The following TDRD3 variants were observed in gnomAD, a reference collection of about 807,000 sequenced individuals.
The protein encoded by TDRD3 is tudor domain containing 3.
A neutral mutation model predicts 86.7 loss-of-function variants in TDRD3; 45 were observed. The observed-to-expected ratio is 0.52, with a 90% CI of 0.41 to 0.67. The LOEUF (loss-of-function observed/expected upper bound fraction) is 0.67, where lower values mean the gene tolerates loss of function less well. TDRD3 is among the 30% of genes least tolerant of loss of function. TDRD3 has a pLI of 0.00. For missense variants in TDRD3, 814 were observed against 889.0 expected, an observed-to-expected ratio of 0.92 and a Z score of 1.07; for synonymous variants, 298 against 301.7, an observed-to-expected ratio of 0.99 and a Z score of 0.13.
chr13:60,480,866 C>CATA (rs1956295330), intron 5 of TDRD3, among the ~76,000 whole-genome samples: 1 of 151,874 alleles, frequency 6.6e-6, no homozygotes, highest in Admixed American at 6.6e-5. Context: ...TTGGTAACAG[C>CATA]TGGGGCACTG....
intron 5 of TDRD3, among the ~76,000 whole-genome samples, chr13:60,471,058 G>C (rs1956067319): frequency 6.6e-6 from 1 of 152,102 alleles, no homozygotes; most frequent in Admixed American, 6.6e-5. Context: ...ATAGATTCTA[G>C]ATATCAATTC....
chr13:60,539,039 T>C (rs998031743), intron 12 of TDRD3, among the ~76,000 whole-genome samples: 30 of 152,294 alleles, frequency 2.0e-4, no homozygotes, highest in Non-Finnish European at 1.0e-4. Flanking sequence ...AGAAAAATGA[T>C]TATTGTGTAG....
At chr13:60,556,238 C>T (rs1427063541) in intron 12 of TDRD3, among the ~76,000 whole-genome samples, 2 of 152,148 alleles carry the variant, frequency 1.3e-5, no homozygotes, top group Non-Finnish European at 2.9e-5. Context: ...TCAATAGGAT[C>T]TTGGTTCAAG....
chr13:60,557,128 C>G, intron 12 of TDRD3, among the ~76,000 whole-genome samples: 1 of 151,922 alleles, frequency 6.6e-6, no homozygotes, highest in East Asian at 1.9e-4. Flanking sequence ...ATCGCTTGAA[C>G]CCAGGAGGCG....
At chr13:60,514,114 G>C (rs1957118408) in intron 10 of TDRD3, among the ~76,000 whole-genome samples, 1 of 152,188 alleles carries the variant, frequency 6.6e-6, no homozygotes, top group Non-Finnish European at 1.5e-5. Flanking sequence ...AATCCAGGCT[G>C]AGGTGGTCTC....
At chr13:60,510,605 A>G (rs371491228) in intron 9 of TDRD3, 25 bp from the exon 10 acceptor site, 16 of 1,577,374 alleles carry the variant, frequency 1.0e-5, no homozygotes, top group Non-Finnish European at 1.3e-5. Context: ...TATACAGTAC[A>G]TATTTCTTGC....
At chr13:60,435,901 T>G (rs1424894170) in intron 1 of TDRD3, among the ~76,000 whole-genome samples, 2 of 151,786 alleles carry the variant, frequency 1.3e-5, no homozygotes, top group East Asian at 3.9e-4. Flanking sequence ...GTAAACCACA[T>G]CATGACAACA....
At chr13:60,481,470 TG>T (rs1294963655) in intron 5 of TDRD3, among the ~76,000 whole-genome samples, 3 of 151,984 alleles carry the variant, frequency 2.0e-5, no homozygotes, top group Non-Finnish European at 4.4e-5. Context: ...GGCCTCTTTT[TG>T]GTAGATTCTA....
At position 60,397,293 on chromosome 13, in the gene TDRD3, G is replaced by A. The variant is rs1250169177; in HGVS notation, c.-72G>A. 6.2e-6 allele frequency: 5 copies of A among 804,484 alleles called. No individual in the cohort carries two copies. Among genetic ancestry groups the A allele is most frequent in the Non-Finnish European group, 9.1e-6 (5 of 551,868 alleles). The allele number at this position is 804,484 out of a possible 1,614,324, so 49.8% of individuals were successfully genotyped here. A position where few individuals can be genotyped will look rare whatever the true frequency, so the allele number is the denominator to read the frequency against. On this transcript the variant is annotated 5_prime_UTR_variant, in exon 1 of 14. Coordinates refer to ENST00000377881, the MANE Select transcript of TDRD3 (RefSeq NM_001146070.2). ...TTTTCTTTTTTTTTTTTTAAGGGGG[G>A]GGGTCTCAAGTAGGAGGCCTCCCCA...
At chr13:60,463,443 T>C (rs1048937377) in intron 4 of TDRD3, among the ~76,000 whole-genome samples, 1 of 150,770 alleles carries the variant, frequency 6.6e-6, no homozygotes, top group Non-Finnish European at 1.5e-5. Context: ...TTCAAGACAT[T>C]GGTCTGGGCA....
intron 1 of TDRD3, among the ~76,000 whole-genome samples, chr13:60,433,248 T>C (rs908632459): frequency 1.3e-5 from 2 of 152,244 alleles, no homozygotes; most frequent in African/African-American, 4.8e-5. Flanking sequence ...AATAAAACTT[T>C]AATGTTTGCT....
intron 1 of TDRD3, among the ~76,000 whole-genome samples, chr13:60,431,643 A>AT (rs891093772): frequency 7.1e-6 from 1 of 140,804 alleles, no homozygotes; most frequent in African/African-American, 2.6e-5. Flanking sequence ...GTAATTAAAA[A>AT]TTTTTTTTTG....
chr13:60,497,519 C>T (rs1437123448), intron 8 of TDRD3, among the ~76,000 whole-genome samples: 4 of 152,126 alleles, frequency 2.6e-5, no homozygotes, highest in East Asian at 3.8e-4. Flanking sequence ...AATTCTTAGT[C>T]GGCCTAGGAA....
intron 13 of TDRD3, among the ~76,000 whole-genome samples, chr13:60,572,328 TAA>T (rs1958605436): frequency 6.6e-6 from 1 of 152,214 alleles, no homozygotes; most frequent in Non-Finnish European, 1.5e-5. Flanking sequence ...TTCAAATACA[TAA>T]GAGTTTGAAT....
At chr13:60,410,822 AT>A (rs1369336485) in intron 1 of TDRD3, among the ~76,000 whole-genome samples, 5 of 152,028 alleles carry the variant, frequency 3.3e-5, no homozygotes, top group Admixed American at 3.3e-4. Context: ...TTGCTGATAA[AT>A]TTTTTGACTG....
Position 60,573,578 on chromosome 13 carries a change from G to A in TDRD3, c.*10-38G>A, listed in dbSNP as rs963781082. 6 of 983,360 alleles carry A rather than the reference G, an allele frequency of 6.1e-6. No individual in the cohort carries two copies. In the South Asian group the frequency reaches 2.8e-4, roughly 46 times the overall value. 60.9% of individuals were successfully genotyped at this position (983,360 alleles called of 1,614,324 possible). A position where few individuals can be genotyped will look rare whatever the true frequency, so the allele number is the denominator to read the frequency against. ...ACAAAGTATGGAAAAGTTAATTTGA[G>A]GCTTCAATTTCATTTTCTTCATTTC... On this transcript the variant is annotated intron_variant, in intron 13 of 13. Coordinates refer to ENST00000377881, the MANE Select transcript of TDRD3 (RefSeq NM_001146070.2).
At chr13:60,498,911 T>G (rs1213111688) in intron 8 of TDRD3, among the ~76,000 whole-genome samples, 2 of 152,158 alleles carry the variant, frequency 1.3e-5, no homozygotes, top group African/African-American at 4.8e-5. Context: ...AAAGGAGTTT[T>G]AGCTCAGGTC....
chr13:60,484,824 T>C (rs1420777093), intron 6 of TDRD3: 1 of 368,446 alleles, frequency 2.7e-6, no homozygotes, highest in Non-Finnish European at 5.3e-6. Flanking sequence ...TAATAACTTA[T>C]ATTTGAAAAT....
chr13:60,437,564 T>C (rs1053153527), intron 1 of TDRD3, among the ~76,000 whole-genome samples: 2 of 151,734 alleles, frequency 1.3e-5, no homozygotes, highest in Non-Finnish European at 2.9e-5. Context: ...TCTGTAAAGT[T>C]GAAGAGGTGA....
Sources: gnomAD v4.1 joint callset for allele counts (sites outside exome capture counted in the v4.1 genomes callset) on GRCh38, gnomAD v4.1.1 for gene constraint, MANE v1.5 for transcripts, NCBI Gene and HGNC (gene_info 2026-07-23, HGNC 2026-07-21) for gene names.